Variants in LTBP1 observed in about 807,000 individuals in gnomAD.
The protein encoded by LTBP1 is latent transforming growth factor beta binding protein 1, also known as latent-transforming growth factor beta-binding protein 1.
LTBP1 carries 129 observed loss-of-function variants against 207.6 expected under a neutral mutation model. The ratio of observed to expected loss-of-function variants is 0.62; its 90% confidence interval spans 0.54 to 0.72. The LOEUF (loss-of-function observed/expected upper bound fraction) is 0.72, where lower values mean the gene tolerates loss of function less well. Ranked by LOEUF, LTBP1 falls within the 30% of genes least tolerant of loss-of-function variation. LTBP1 has a pLI of 0.00. For missense variants in LTBP1, 2,281 were observed against 2,217.2 expected (o/e 1.03, Z -0.58); for synonymous variants, 963 against 833.7 (o/e 1.16, Z -2.67).
intron 5 of LTBP1, among the ~76,000 whole-genome samples, chr2:33,182,699 TACACACACACACAC>T (rs377663333): frequency 5.1e-5 from 4 of 78,830 alleles, no homozygotes; most frequent in African/African-American, 1.4e-4. Flanking sequence ...TATATATATA[TACACACACACACAC>T]ACACACACAC....
At chr2:33,359,599 T>C (rs1313396297) in intron 26 of LTBP1, among the ~76,000 whole-genome samples, 1 of 152,220 alleles carries the variant, frequency 6.6e-6, no homozygotes, top group Non-Finnish European at 1.5e-5. Flanking sequence ...CTAGTGGCAA[T>C]ATTTCATTAG....
chr2:33,134,313 G>T lies in LTBP1; in HGVS notation c.1034-480G>T. 1 of 410,502 alleles carries T rather than the reference G, an allele frequency of 2.4e-6. No homozygotes were observed. The highest frequency in any genetic ancestry group is 1.8e-5 in the South Asian group (1 of 54,954). 25.4% of individuals were successfully genotyped at this position (410,502 alleles called of 1,614,324 possible). A position where few individuals can be genotyped will look rare whatever the true frequency, so the allele number is the denominator to read the frequency against. On this transcript the variant is annotated intron_variant, in intron 4 of 33. Transcript: ENST00000404816. This position sits in a 1 kb window ranked among gnomAD's most constrained non-coding sequence, Gnocchi z 4.4. ...CCGCATGCCTAAAACATTTCCAGGG[G>T]TCGGGCTGCAAATAGTGACTTAATA...
Position 32,947,330 on chromosome 2 carries a change from G to C in LTBP1, c.6G>C (p.Ala2=). 1 of 1,238,338 alleles carries C rather than the reference G, an allele frequency of 8.1e-7. No individual in the cohort carries two copies. The highest frequency in any genetic ancestry group is 1.0e-6 in the Non-Finnish European group (1 of 991,012). 76.7% of individuals were successfully genotyped at this position (1,238,338 alleles called of 1,614,324 possible). A position where few individuals can be genotyped will look rare whatever the true frequency, so the allele number is the denominator to read the frequency against. The change falls in exon 1 of 34, where the codon GCG becomes GCC. Residue 2 remains alanine, a synonymous_variant. Transcript: ENST00000404816. M[A]GAWLRWGLLL... is the part of the protein sequence containing the mutation. ...CGCGCCCGCTGGGGCCCGCGATGGC[G>C]GGGGCCTGGCTCAGGTGGGGGCTCC...
In LTBP1 at chr2:32,984,795, G is replaced by T. The variant is rs151313349; in HGVS notation, c.565+35850G>T. ...AAAAAAAAAAAGTTAGCTGGGCGTG[G>T]TGGCGCACGCCTGTAATCCCAGCTA... On this transcript the variant is annotated intron_variant, in intron 2 of 33. Transcript: ENST00000404816. 3.7e-3 allele frequency among the ~76,000 whole-genome samples: 564 copies of T among 152,156 alleles called. 5 individuals carry two copies. Among genetic ancestry groups the T allele is most frequent in the African/African-American group, 0.013 (541 of 41,512 alleles).
chr2:32,989,604 A>G (rs959536842), intron 2 of LTBP1, among the ~76,000 whole-genome samples: 30 of 152,176 alleles, frequency 2.0e-4, no homozygotes, highest in Non-Finnish European at 2.8e-4. Context: ...AGAGTGTGCC[A>G]GTCATAGAGG....
At chr2:33,263,454 T>A in intron 15 of LTBP1, 62 bp downstream of exon 15, 1 of 1,186,264 alleles carries the variant, frequency 8.4e-7, no homozygotes, top group Non-Finnish European at 1.2e-6. Context: ...AGCTTCATTT[T>A]AAATGTAGTA....
intron 15 of LTBP1, among the ~76,000 whole-genome samples, chr2:33,268,255 G>A (rs1261837147): frequency 6.6e-6 from 1 of 152,146 alleles, no homozygotes; most frequent in Non-Finnish European, 1.5e-5. Context: ...GATTTAAGGA[G>A]CAATCTCATC....
chr2:32,973,761 T>A (rs1681290911), intron 2 of LTBP1, among the ~76,000 whole-genome samples: 1 of 152,184 alleles, frequency 6.6e-6, no homozygotes, highest in East Asian at 1.9e-4. Flanking sequence ...CTTCTCAGCC[T>A]CTGGTGACCA....
At chr2:33,290,140 A>G (rs1398693362) in intron 19 of LTBP1, among the ~76,000 whole-genome samples, 1 of 152,240 alleles carries the variant, frequency 6.6e-6, no homozygotes, top group Non-Finnish European at 1.5e-5. Flanking sequence ...ACCTCACTTT[A>G]TAACAATCCA....
At position 33,229,438 on chromosome 2, in the gene LTBP1, C is replaced by T. The variant is rs565256253; in HGVS notation, c.1876+7287C>T. ...GCAGTGAGCTATGATCGTGCCACTG[C>T]ACTGAAGCCTGGGCAACAAAGTGAG... is the stretch of plus-strand genomic sequence containing the variant. On this transcript the variant is annotated intron_variant, in intron 9 of 33. Coordinates refer to ENST00000404816, the MANE Select transcript of LTBP1 (RefSeq NM_206943.4). Among the ~76,000 whole-genome samples the T allele has an allele frequency of 5.3e-4, 81 of 151,966 alleles. 2 individuals are homozygous for T. The South Asian group carries it at 0.011, about 21-fold the overall frequency.
chr2:33,150,704 C>CTTTTTTTTTTTTTT (rs1211013076), intron 5 of LTBP1, among the ~76,000 whole-genome samples: 5 of 108,834 alleles, frequency 4.6e-5, no homozygotes, highest in African/African-American at 1.1e-4. Context: ...TTTCTTTTTT[C>CTTTTTTTTTTTTTT]TTTTTCTTTT....
At chr2:33,327,465 A>T (rs1484403284) in intron 24 of LTBP1, among the ~76,000 whole-genome samples, 1 of 152,232 alleles carries the variant, frequency 6.6e-6, no homozygotes, top group East Asian at 1.9e-4. Flanking sequence ...GAGGATTCAA[A>T]TAACTCCCAT....
chr2:33,237,684 T>G (rs1300629349), intron 9 of LTBP1, among the ~76,000 whole-genome samples: 1 of 152,202 alleles, frequency 6.6e-6, no homozygotes, highest in Non-Finnish European at 1.5e-5. Context: ...GACTCATTAC[T>G]TTTTCTGTGA....
intron 24 of LTBP1, among the ~76,000 whole-genome samples, chr2:33,340,778 C>A (rs113285138): frequency 2.6e-5 from 4 of 152,188 alleles, no homozygotes; most frequent in African/African-American, 9.6e-5. Flanking sequence ...GCACTTTGTA[C>A]GTGTTATTTT....
At position 33,209,292 on chromosome 2, in the gene LTBP1, T is replaced by G. The variant is rs894972317; in HGVS notation, c.1702-8260T>G. Among the ~76,000 whole-genome samples, 9 of 152,190 alleles carry G rather than the reference T, an allele frequency of 5.9e-5. No individual in the cohort carries two copies. The East Asian group carries it at 1.4e-3, about 23-fold the overall frequency. On this transcript the variant is annotated intron_variant, in intron 7 of 33. Transcript: ENST00000404816. The stretch of plus-strand genomic sequence containing the variant: ...CTATATTCTCTGGGACCTGACTTAG[T>G]TAGAGAGTCGCATGCTGTGTGGTGT...
At chr2:32,982,001 C>T (rs951430283) in intron 2 of LTBP1, among the ~76,000 whole-genome samples, 11 of 152,050 alleles carry the variant, frequency 7.2e-5, no homozygotes, top group Non-Finnish European at 1.5e-4. Flanking sequence ...TAAAGATACC[C>T]GAAAATGTGG....
At chr2:33,177,758 A>G (rs2086207056) in intron 5 of LTBP1, among the ~76,000 whole-genome samples, 1 of 152,236 alleles carries the variant, frequency 6.6e-6, no homozygotes. Flanking sequence ...AATATTATAT[A>G]GCTACTAAAA....
At chr2:33,343,149 C>T (rs1006409030) in intron 25 of LTBP1, among the ~76,000 whole-genome samples, 186 bp downstream of exon 25, 1 of 151,992 alleles carries the variant, frequency 6.6e-6, no homozygotes, top group Non-Finnish European at 1.5e-5. Flanking sequence ...CGGTTGTAAC[C>T]CCAGCACTTT....
At chr2:33,227,140 A>G (rs1412249191) in intron 9 of LTBP1, among the ~76,000 whole-genome samples, 1 of 151,578 alleles carries the variant, frequency 6.6e-6, no homozygotes, top group Non-Finnish European at 1.5e-5. Context: ...GGTTCAGGTG[A>G]TTCTCCTGCT....
Sources: allele counts gnomAD v4.1 joint callset (sites outside exome capture counted in the v4.1 genomes callset), GRCh38; gene constraint gnomAD v4.1.1; non-coding constraint Gnocchi (gnomAD v3.1); transcripts MANE v1.5; gene names NCBI Gene and HGNC (gene_info 2026-07-23, HGNC 2026-07-21).